Variants in USP15 observed in about 807,000 individuals in gnomAD.
The protein encoded by USP15 is ubiquitin carboxyl-terminal hydrolase 15.
A neutral mutation model predicts 127.1 loss-of-function variants in USP15; 18 were observed. The observed-to-expected ratio is 0.14, with a 90% CI of 0.10 to 0.21. The LOEUF is 0.21. Among genes scored for constraint, USP15 ranks in the 10% least tolerant of loss-of-function variants. The probability of loss-of-function intolerance (pLI) is 1.00; values close to 1 mark genes in which losing one functional copy is unlikely to be tolerated. For missense variants in USP15, 805 were observed against 1,159.9 expected (o/e 0.69, Z 4.44); for synonymous variants, 364 against 393.7 (o/e 0.92, Z 0.89).
intron 7 of USP15, among the ~76,000 whole-genome samples, chr12:62,350,355 A>C (rs1296862381): frequency 6.6e-6 from 1 of 152,216 alleles, no homozygotes; most frequent in Non-Finnish European, 1.5e-5. Context: ...AAAGAATTTA[A>C]TATGATCAGG....
At chr12:62,279,512 C>T (rs1010589164) in intron 1 of USP15, among the ~76,000 whole-genome samples, 2 of 152,118 alleles carry the variant, frequency 1.3e-5, no homozygotes, top group Non-Finnish European at 2.9e-5. Flanking sequence ...ATTGCTGGAT[C>T]ATATGGTCAT....
At chr12:62,278,571 A>G (rs2063558667) in intron 1 of USP15, 1 of 152,160 alleles carries the variant, frequency 6.6e-6, no homozygotes, top group Admixed American at 6.6e-5. Context: ...TTTTTTAGGT[A>G]CATTATGGTG....
intron 6 of USP15, chr12:62,335,305 G>C: frequency 6.8e-7 from 1 of 1,480,758 alleles, no homozygotes. Flanking sequence ...ACAAATGTTA[G>C]CTAGATTGGA....
intron 8 of USP15, among the ~76,000 whole-genome samples, chr12:62,368,336 A>G (rs1343516963): frequency 2.0e-5 from 3 of 152,216 alleles, no homozygotes; most frequent in Non-Finnish European, 4.4e-5. Context: ...TGCTTCGTCC[A>G]GAGCTGAGTT....
intron 20 of USP15, among the ~76,000 whole-genome samples, chr12:62,397,100 A>G (rs1265117468): frequency 2.0e-5 from 3 of 152,162 alleles, no homozygotes; most frequent in Admixed American, 6.5e-5. Flanking sequence ...TTCCTTGGAT[A>G]TATCCTACTT....
At chr12:62,320,081 A>G (rs565295665) in intron 4 of USP15, among the ~76,000 whole-genome samples, 9 of 152,232 alleles carry the variant, frequency 5.9e-5, no homozygotes, top group Admixed American at 2.0e-4. Context: ...TAAAAAGAAC[A>G]AAAAGAAAAA....
chr12:62,340,921 A>G (rs1234374464), intron 6 of USP15, among the ~76,000 whole-genome samples: 9 of 152,116 alleles, frequency 5.9e-5, no homozygotes, highest in African/African-American at 2.2e-4. Context: ...TCAAGTCCTG[A>G]ATATCCTTGT....
rs555490372 is a variant in USP15, at chr12:62,409,973, C to T, written c.*5598C>T. 1 of 152,056 alleles carries T rather than the reference C, an allele frequency of 6.6e-6. No homozygotes were observed. The highest frequency in any genetic ancestry group is 2.1e-4 in the South Asian group (1 of 4,816). The allele number at this position is 152,056 out of a possible 1,614,324, so 9.4% of individuals were successfully genotyped here. Reference sequence around the variant, plus strand: ...TTAACAGACGTAACTCTTTAATGCTCCTCTGTTCATGATTAAGTATGCTAA... The same window carrying T: ...TTAACAGACGTAACTCTTTAATGCTTCTCTGTTCATGATTAAGTATGCTAA... On this transcript the variant is annotated 3_prime_UTR_variant, in exon 22 of 22. Coordinates refer to ENST00000280377, the MANE Select transcript of USP15 (RefSeq NM_001252078.2).
chr12:62,357,859 C>T lies in USP15; in HGVS notation c.915+2384C>T, dbSNP rs116610589. ...GGGAGTACAAAATGGTGGCAGTAGCCTTTACTCCTCTATTTCACAAAAATT... is the reference window on the plus strand; with the variant it reads ...GGGAGTACAAAATGGTGGCAGTAGCTTTTACTCCTCTATTTCACAAAAATT... On this transcript the variant is annotated intron_variant, in intron 8 of 21. Transcript: ENST00000280377. Among the ~76,000 whole-genome samples the T allele has an allele frequency of 7.6e-3, 1,157 of 152,076 alleles. 13 individuals are homozygous for T. Among genetic ancestry groups the T allele is most frequent in the African/African-American group, 0.026 (1,087 of 41,516 alleles).
intron 3 of USP15, among the ~76,000 whole-genome samples, chr12:62,305,098 T>C (rs1228622180): frequency 6.6e-6 from 1 of 152,060 alleles, no homozygotes; most frequent in Non-Finnish European, 1.5e-5. Context: ...TTAACATGCA[T>C]ACATATAGTT....
At chr12:62,313,823 A>C (rs2064751802) in intron 3 of USP15, among the ~76,000 whole-genome samples, 1 of 151,816 alleles carries the variant, frequency 6.6e-6, no homozygotes, top group African/African-American at 2.4e-5. Flanking sequence ...TTAGATAGTA[A>C]ATACTAGATG....
chr12:62,297,925 A>G (rs1272271601), intron 2 of USP15, among the ~76,000 whole-genome samples: 1 of 152,220 alleles, frequency 6.6e-6, no homozygotes, highest in Non-Finnish European at 1.5e-5. Context: ...TAACAAAACA[A>G]GAAAAATAAA....
chr12:62,403,598 T>C (rs1463754261), intron 21 of USP15, among the ~76,000 whole-genome samples: 1 of 151,986 alleles, frequency 6.6e-6, no homozygotes, highest in Non-Finnish European at 1.5e-5. Flanking sequence ...TATTGACAAC[T>C]CTGTTTATCA....
At chr12:62,274,947 TA>T (rs891276167) in intron 1 of USP15, among the ~76,000 whole-genome samples, 1 of 152,084 alleles carries the variant, frequency 6.6e-6, no homozygotes, top group African/African-American at 2.4e-5. Flanking sequence ...TCTATGCCAC[TA>T]AAAATAGTGT....
intron 4 of USP15, among the ~76,000 whole-genome samples, chr12:62,318,447 T>G (rs2064895537): frequency 6.6e-6 from 1 of 152,188 alleles, no homozygotes; most frequent in African/African-American, 2.4e-5. Flanking sequence ...AGAAGCACTT[T>G]CTCTTCACTT....
chr12:62,335,655 A>G, intron 6 of USP15: 3 of 987,354 alleles, frequency 3.0e-6, no homozygotes, highest in Non-Finnish European at 3.6e-6. Flanking sequence ...ATATAAACAC[A>G]TCTTCATCTT....
chr12:62,328,918 G>A (rs1239722659), intron 6 of USP15, among the ~76,000 whole-genome samples: 1 of 152,136 alleles, frequency 6.6e-6, no homozygotes, highest in Non-Finnish European at 1.5e-5. Context: ...AGGTAGTGAG[G>A]TTGCTTAAAG....
chr12:62,284,591 G>A (rs1379687274), intron 1 of USP15, among the ~76,000 whole-genome samples: 1 of 152,070 alleles, frequency 6.6e-6, no homozygotes, highest in Non-Finnish European at 1.5e-5. Context: ...GCATAGAAAA[G>A]AAACACTAGA....
chr12:62,339,932 A>G (rs187262062), intron 6 of USP15, among the ~76,000 whole-genome samples: 61 of 152,128 alleles, frequency 4.0e-4, no homozygotes, highest in Admixed American at 1.4e-3. Flanking sequence ...CTCTTTTTCA[A>G]TTGTTTGGAA....
Sources: gnomAD v4.1 joint callset for allele counts (sites outside exome capture counted in the v4.1 genomes callset) on GRCh38, gnomAD v4.1.1 for gene constraint, MANE v1.5 for transcripts, NCBI Gene and HGNC (gene_info 2026-07-23, HGNC 2026-07-21) for gene names.